The following FBXL7 variants were observed in gnomAD, a reference collection of about 807,000 sequenced individuals.
FBXL7 encodes F-box and leucine rich repeat protein 7.
A neutral mutation model predicts 38.3 loss-of-function variants in FBXL7; 12 were observed. The ratio of observed to expected loss-of-function variants is 0.31; its 90% CI spans 0.20 to 0.51. FBXL7 has a LOEUF of 0.51. Ranked by LOEUF, FBXL7 falls within the 20% of genes least tolerant of loss-of-function variation. FBXL7 has a pLI of 0.98. For synonymous variants in FBXL7, 297 were observed against 300.9 expected, an observed-to-expected ratio of 0.99 and a Z score of 0.13; for missense variants, 567 against 676.4, an observed-to-expected ratio of 0.84 and a Z score of 1.79.
chr5:15,662,479 T>C (rs1742119724), intron 2 of FBXL7, among the ~76,000 whole-genome samples: 1 of 152,200 alleles, frequency 6.6e-6, no homozygotes, highest in African/African-American at 2.4e-5. Context: ...TGATAGTTTC[T>C]TTTTCTGTGC....
chr5:15,763,057 C>T (rs2126700635), intron 2 of FBXL7, among the ~76,000 whole-genome samples: 1 of 152,220 alleles, frequency 6.6e-6, no homozygotes, highest in South Asian at 2.1e-4. Context: ...TCATTTTTAT[C>T]ACTGGGCTAC....
intron 1 of FBXL7, among the ~76,000 whole-genome samples, chr5:15,521,388 G>A (rs1737092644): frequency 6.6e-6 from 1 of 152,158 alleles, no homozygotes; most frequent in Non-Finnish European, 1.5e-5. Flanking sequence ...TAAGATTATT[G>A]GTTGTAAAAT....
chr5:15,570,780 T>G (rs1188096207), intron 1 of FBXL7, among the ~76,000 whole-genome samples: 1 of 152,192 alleles, frequency 6.6e-6, no homozygotes, highest in East Asian at 1.9e-4. Flanking sequence ...CTGGTTCCTC[T>G]TCTGGTTTAT....
chr5:15,604,371 T>G (rs1215370738), intron 1 of FBXL7, among the ~76,000 whole-genome samples: 1 of 152,172 alleles, frequency 6.6e-6, no homozygotes, highest in Non-Finnish European at 1.5e-5. Flanking sequence ...TTTATTTTAT[T>G]TGAGACAGAG....
intron 1 of FBXL7, among the ~76,000 whole-genome samples, chr5:15,557,283 C>T (rs1197653115): frequency 6.6e-6 from 1 of 152,152 alleles, no homozygotes; most frequent in African/African-American, 2.4e-5. Flanking sequence ...GGCACAAGGA[C>T]CTTGTGTTTA....
chr5:15,614,101 T>C (rs1164960465), intron 1 of FBXL7, among the ~76,000 whole-genome samples: 2 of 152,244 alleles, frequency 1.3e-5, no homozygotes, highest in Non-Finnish European at 2.9e-5. Context: ...TGGAAGGACA[T>C]AAACATTCAG....
intron 2 of FBXL7, among the ~76,000 whole-genome samples, chr5:15,645,282 G>T (rs1741494825): frequency 6.6e-6 from 1 of 152,122 alleles, no homozygotes; most frequent in Admixed American, 6.5e-5. Context: ...GAACTGCTTA[G>T]GGCCAACCTG....
intron 1 of FBXL7, among the ~76,000 whole-genome samples, chr5:15,529,070 C>T (rs753438920): frequency 3.9e-5 from 6 of 152,156 alleles, no homozygotes; most frequent in Non-Finnish European, 7.3e-5. Context: ...CCAGCATCTC[C>T]CCGATCCTTC....
At chr5:15,830,911 C>T (rs1738440536) in intron 2 of FBXL7, among the ~76,000 whole-genome samples, 1 of 152,062 alleles carries the variant, frequency 6.6e-6, no homozygotes, top group Non-Finnish European at 1.5e-5. Flanking sequence ...AGATTCCCTC[C>T]CCTTGTTCTT....
chr5:15,810,031 A>G (rs552804370), intron 2 of FBXL7, among the ~76,000 whole-genome samples: 101 of 152,312 alleles, frequency 6.6e-4, no homozygotes, highest in Non-Finnish European at 9.1e-4. Context: ...GTATAACTCT[A>G]ATCTATTTTG....
chr5:15,726,691 A>AAAGTAAAT (rs1744367994), intron 2 of FBXL7, among the ~76,000 whole-genome samples: 1 of 141,386 alleles, frequency 7.1e-6, no homozygotes, highest in Non-Finnish European at 1.5e-5. Flanking sequence ...ACTCCATCTC[A>AAAGTAAAT]AAATAAATAA....
At position 15,650,247 on chromosome 5, in the gene FBXL7, T is replaced by C. The variant is rs922765166; in HGVS notation, c.127+34175T>C. ...AAAGCAAGCCACATGAAATTTTTGG[T>C]TTCCCAGTGCACGTAAAAGTTATGT... On this transcript the variant is annotated intron_variant, in intron 2 of 3. Transcript: ENST00000504595. Among the ~76,000 whole-genome samples, 5 of 152,224 alleles carry C rather than the reference T, an allele frequency of 3.3e-5. 1 individual carries two copies. Among genetic ancestry groups the C allele is most frequent in the African/African-American group, 1.2e-4 (5 of 41,468 alleles).
chr5:15,687,594 CTGG>C (rs1743052939), intron 2 of FBXL7, among the ~76,000 whole-genome samples: 1 of 152,174 alleles, frequency 6.6e-6, no homozygotes, highest in South Asian at 2.1e-4. Context: ...TTGTTCTCAA[CTGG>C]TGTAGCACTG....
chr5:15,662,286 T>G (rs566772111), intron 2 of FBXL7, among the ~76,000 whole-genome samples: 1 of 152,344 alleles, frequency 6.6e-6, no homozygotes, highest in Admixed American at 6.5e-5. Flanking sequence ...ATCAGCTGCA[T>G]GTATGTCTTC....
At position 15,738,074 on chromosome 5, in the gene FBXL7, A is replaced by G. The variant is rs543877910; in HGVS notation, c.127+122002A>G. Among the ~76,000 whole-genome samples the G allele has an allele frequency of 1.1e-3, 167 of 152,164 alleles. 1 individual carries two copies. Among genetic ancestry groups the G allele is most frequent in the African/African-American group, 3.9e-3 (163 of 41,500 alleles). ...CTGGTGCCAATGAAATATTCCAAAC[A>G]CTTGTTTGGGAGGCACCGTAGAACA... is the stretch of plus-strand genomic sequence containing the variant. On this transcript the variant is annotated intron_variant, in intron 2 of 3. Coordinates refer to ENST00000504595, the MANE Select transcript of FBXL7 (RefSeq NM_012304.5).
chr5:15,779,496 T>G (rs1405091128), intron 2 of FBXL7, among the ~76,000 whole-genome samples: 3 of 151,982 alleles, frequency 2.0e-5, no homozygotes, highest in African/African-American at 7.2e-5. Context: ...TTTAAAAAGC[T>G]ATCAAAAAAA....
intron 1 of FBXL7, among the ~76,000 whole-genome samples, chr5:15,515,938 A>G (rs554253119): frequency 1.3e-5 from 2 of 152,358 alleles, no homozygotes; most frequent in East Asian, 3.9e-4. Flanking sequence ...GAATTAATTT[A>G]AAAACAGATG....
At chr5:15,822,331 C>T (rs1579493697) in intron 2 of FBXL7, among the ~76,000 whole-genome samples, 1 of 152,164 alleles carries the variant, frequency 6.6e-6, no homozygotes, top group South Asian at 2.1e-4. Context: ...CATTGCACTC[C>T]AGCCTGGGTG....
intron 2 of FBXL7, among the ~76,000 whole-genome samples, chr5:15,815,587 A>G (rs1737992397): frequency 6.6e-6 from 1 of 152,202 alleles, no homozygotes. Context: ...ACATTAAAGA[A>G]TCTACTCAAT....
Sources: allele counts gnomAD v4.1 joint callset (sites outside exome capture counted in the v4.1 genomes callset), GRCh38; gene constraint gnomAD v4.1.1; transcripts MANE v1.5; gene names NCBI Gene and HGNC (gene_info 2026-07-23, HGNC 2026-07-21).